Variants in CNTNAP2 observed in about 807,000 individuals in gnomAD.
CNTNAP2 encodes the protein contactin-associated protein-like 2.
Under a neutral mutation model 155.2 loss-of-function variants are expected in CNTNAP2, and 98 were observed. The ratio of observed to expected loss-of-function variants is 0.63; its 90% CI spans 0.54 to 0.75. The LOEUF (loss-of-function observed/expected upper bound fraction) is 0.75. CNTNAP2 is among the 30% of genes least tolerant of loss of function. CNTNAP2 has a pLI of 0.00. For missense variants in CNTNAP2, 1,727 were observed against 1,688.1 expected, an observed-to-expected ratio of 1.02 and a Z score of -0.40; for synonymous variants, 651 against 631.2, an observed-to-expected ratio of 1.03 and a Z score of -0.47.
chr7:147,358,089 T>A (rs950907404), intron 9 of CNTNAP2, among the ~76,000 whole-genome samples: 31 of 152,238 alleles, frequency 2.0e-4, no homozygotes, highest in African/African-American at 7.2e-4. Context: ...CATTTAAAAA[T>A]TAGGAAATGA....
chr7:146,773,960 C>A (rs1207198628), intron 1 of CNTNAP2, among the ~76,000 whole-genome samples: 1 of 152,098 alleles, frequency 6.6e-6, no homozygotes, highest in Non-Finnish European at 1.5e-5. Context: ...CCAGGAGATG[C>A]CAGATACCAA....
chr7:147,677,110 C>T (rs1795881728), intron 13 of CNTNAP2, among the ~76,000 whole-genome samples: 1 of 150,978 alleles, frequency 6.6e-6, no homozygotes, highest in South Asian at 2.1e-4. Context: ...GTTTTAAATA[C>T]TGGCTAGTTT....
intron 1 of CNTNAP2, among the ~76,000 whole-genome samples, chr7:146,767,822 T>G (rs1802223752): frequency 6.6e-6 from 1 of 152,146 alleles, no homozygotes; most frequent in Admixed American, 6.6e-5. Context: ...AAAGGACTTT[T>G]GAAATAATGG....
chr7:147,681,770 G>A (rs982944936), intron 13 of CNTNAP2, among the ~76,000 whole-genome samples: 1 of 151,702 alleles, frequency 6.6e-6, no homozygotes, highest in Non-Finnish European at 1.5e-5. Flanking sequence ...GCCAACTGTG[G>A]TCTGAAACTA....
At chr7:147,071,210 A>G (rs1401074552) in intron 4 of CNTNAP2, among the ~76,000 whole-genome samples, 1 of 152,110 alleles carries the variant, frequency 6.6e-6, no homozygotes, top group Non-Finnish European at 1.5e-5. Context: ...AATTTTCTCC[A>G]TAACAGAAAT....
At chr7:146,570,869 CACTT>C (rs1798430734) in intron 1 of CNTNAP2, among the ~76,000 whole-genome samples, 1 of 151,714 alleles carries the variant, frequency 6.6e-6, no homozygotes. Flanking sequence ...AGAAATGAAA[CACTT>C]AGGTAATAAA....
At chr7:147,297,541 G>A (rs1186681995) in intron 8 of CNTNAP2, among the ~76,000 whole-genome samples, 2 of 152,144 alleles carry the variant, frequency 1.3e-5, no homozygotes, top group Admixed American at 6.6e-5. Context: ...CTCTTAAGAT[G>A]ACATTTGCAC....
chr7:148,121,171 A>AT (rs1435624667), intron 16 of CNTNAP2, among the ~76,000 whole-genome samples: 1 of 151,852 alleles, frequency 6.6e-6, no homozygotes, highest in Non-Finnish European at 1.5e-5. Context: ...AGTAGCTGGG[A>AT]TTACAGGGGC....
intron 13 of CNTNAP2, among the ~76,000 whole-genome samples, chr7:147,801,342 T>TA (rs1797981691): frequency 6.6e-6 from 1 of 151,150 alleles, no homozygotes; most frequent in Non-Finnish European, 1.5e-5. Flanking sequence ...TTTTTTTTTT[T>TA]ATTGATCATT....
intron 10 of CNTNAP2, among the ~76,000 whole-genome samples, chr7:147,415,984 T>C (rs1396862812): frequency 5.3e-5 from 8 of 152,202 alleles, no homozygotes; most frequent in East Asian, 1.9e-4. Context: ...CGCCCTGCAT[T>C]AAAATATCTG....
intron 10 of CNTNAP2, among the ~76,000 whole-genome samples, chr7:147,401,559 G>A (rs12531630): frequency 0.18 from 26,865 of 151,998 alleles, 2,730 homozygotes; most frequent in East Asian, 0.35. Flanking sequence ...TTGGAAAGGC[G>A]AATGAAAGCA....
At chr7:146,855,583 G>A (rs372860890) in intron 3 of CNTNAP2, among the ~76,000 whole-genome samples, 7 of 151,866 alleles carry the variant, frequency 4.6e-5, no homozygotes, top group East Asian at 1.9e-4. Context: ...TACAAAGAGC[G>A]TTTATTGTAT....
rs1796408285 is a variant in CNTNAP2 at position 147,712,063 on chromosome 7, T to C, written c.2098+72757T>C. On this transcript the variant is annotated intron_variant, in intron 13 of 23. Coordinates refer to ENST00000361727, the MANE Select transcript of CNTNAP2 (RefSeq NM_014141.6). Reference sequence around the variant, plus strand: ...CTCAATACAAATGCTATCCTTCAGGTAGGTAAGACTCTTCATTCTTGCTCC... The same window carrying C: ...CTCAATACAAATGCTATCCTTCAGGCAGGTAAGACTCTTCATTCTTGCTCC... 2.0e-5 allele frequency among the ~76,000 whole-genome samples: 3 copies of C among 152,138 alleles called. No individual in the cohort carries two copies. In the South Asian group the frequency reaches 6.2e-4, roughly 31 times the overall value.
chr7:146,245,322 C>T (rs1268154319), intron 1 of CNTNAP2, among the ~76,000 whole-genome samples: 2 of 152,078 alleles, frequency 1.3e-5, no homozygotes, highest in African/African-American at 4.8e-5. Context: ...AGAGTGAGTA[C>T]AGCTGAAGGA....
intron 15 of CNTNAP2, among the ~76,000 whole-genome samples, chr7:148,098,049 G>A (rs1330172483): frequency 6.6e-6 from 1 of 152,140 alleles, no homozygotes; most frequent in African/African-American, 2.4e-5. Flanking sequence ...GGTTCAAGTT[G>A]GTGACTGAGT....
chr7:148,395,702 T>C (rs566246326), intron 22 of CNTNAP2, among the ~76,000 whole-genome samples: 12 of 152,280 alleles, frequency 7.9e-5, no homozygotes, highest in African/African-American at 2.9e-4. Flanking sequence ...GGCCATCCTC[T>C]GTGTAGACGG....
At chr7:146,173,158 T>G (rs1297269811) in intron 1 of CNTNAP2, among the ~76,000 whole-genome samples, 1 of 152,192 alleles carries the variant, frequency 6.6e-6, no homozygotes, top group Non-Finnish European at 1.5e-5. Flanking sequence ...GCATTTTTAG[T>G]GAATTACGTG....
At chr7:147,364,532 T>C (rs1028744619) in intron 9 of CNTNAP2, among the ~76,000 whole-genome samples, 2 of 152,238 alleles carry the variant, frequency 1.3e-5, no homozygotes, top group African/African-American at 4.8e-5. Context: ...CACTCATTTA[T>C]GGTTGGTCAT....
chr7:148,135,334 C>T (rs1159711491), intron 16 of CNTNAP2, among the ~76,000 whole-genome samples: 2 of 152,180 alleles, frequency 1.3e-5, no homozygotes, highest in Non-Finnish European at 2.9e-5. Flanking sequence ...AATACAGTGC[C>T]TCAACTGCCA....
Sources: gnomAD v4.1 joint callset for allele counts (sites outside exome capture counted in the v4.1 genomes callset) on GRCh38, gnomAD v4.1.1 for gene constraint, MANE v1.5 for transcripts, NCBI Gene and HGNC (gene_info 2026-07-23, HGNC 2026-07-21) for gene names.